Variants in CFAP221 observed in about 807,000 individuals in gnomAD.
CFAP221 encodes the protein cilia and flagella associated protein 221, also known as cilia- and flagella-associated protein 221.
CFAP221 carries 97 observed loss-of-function variants against 113.1 expected under a neutral mutation model. The ratio of observed to expected loss-of-function variants is 0.86; its 90% confidence interval spans 0.73 to 1.02. CFAP221 has a LOEUF of 1.02. CFAP221 is among the 50% of genes least tolerant of loss of function. CFAP221 has a pLI of 0.00. For synonymous variants in CFAP221, 331 were observed against 354.4 expected (o/e 0.93, Z 0.74); for missense variants, 1,025 against 1,013.4 (o/e 1.01, Z -0.16).
intron 7 of CFAP221, among the ~76,000 whole-genome samples, chr2:119,598,592 A>C (rs1219831307): frequency 6.6e-6 from 1 of 152,192 alleles, no homozygotes; most frequent in Non-Finnish European, 1.5e-5. Context: ...TAAGAGAGCA[A>C]TTTGGGGTGG....
At chr2:119,569,537 A>C (rs1190221652) in intron 6 of CFAP221, among the ~76,000 whole-genome samples, 1 of 151,802 alleles carries the variant, frequency 6.6e-6, no homozygotes, top group African/African-American at 2.4e-5. Flanking sequence ...TTGATGTCTG[A>C]CATTCATTTA....
At position 119,638,370 on chromosome 2, in the gene CFAP221, C is replaced by G. The variant is rs760947743; in HGVS notation, c.2086C>G (p.His696Asp). 3.7e-6 allele frequency: 6 copies of G among 1,614,062 alleles called. No individual in the cohort carries two copies. Among genetic ancestry groups the G allele is most frequent in the Non-Finnish European group, 5.1e-6 (6 of 1,180,030 alleles). ...GTACAAATTCACCAAAGAGTCCCGCCACGGGTCCAGCATTCCTGTCACCCA... is the reference window on the plus strand; with the variant it reads ...GTACAAATTCACCAAAGAGTCCCGCGACGGGTCCAGCATTCCTGTCACCCA... ...PKYKFTKESRHGSSIPVTQKQ... is the reference protein window; with the variant it reads ...PKYKFTKESRDGSSIPVTQKQ... Residue 696 changes from histidine to aspartate, a missense_variant, in exon 20 of 24, where the codon CAC (histidine) becomes GAC (aspartate). Transcript: ENST00000413369.
chr2:119,597,229 A>C (rs1684046241), intron 7 of CFAP221, among the ~76,000 whole-genome samples: 1 of 152,188 alleles, frequency 6.6e-6, no homozygotes, highest in Non-Finnish European at 1.5e-5. Context: ...GAGAAAACTG[A>C]GCCTCAGCTA....
At chr2:119,588,288 A>G (rs150626090) in intron 7 of CFAP221, among the ~76,000 whole-genome samples, 2 of 152,302 alleles carry the variant, frequency 1.3e-5, no homozygotes, top group African/African-American at 4.8e-5. Flanking sequence ...GTCAGCGTGC[A>G]GGTTTACAGG....
Position 119,639,874 on chromosome 2 carries a change from T to C in CFAP221, c.2225+2T>C, listed in dbSNP as rs760266115. On this transcript the variant is annotated splice_donor_variant, in intron 21 of 23. Coordinates refer to ENST00000413369, the MANE Select transcript of CFAP221 (RefSeq NM_001271049.2). LOFTEE classifies it high-confidence loss of function. ...CTCCAAGATGGAGACCACAAAGAGG[T>C]AAGCACAGCTCATCTGTTTGCTCAC... is the stretch of plus-strand genomic sequence containing the variant. 2.5e-6 allele frequency: 4 copies of C among 1,612,046 alleles called. 1 individual carries two copies. The South Asian group carries it at 4.4e-5, about 18-fold the overall frequency.
intron 21 of CFAP221, among the ~76,000 whole-genome samples, chr2:119,643,206 G>A (rs547550225): frequency 6.6e-6 from 1 of 152,176 alleles, no homozygotes; most frequent in Non-Finnish European, 1.5e-5. Flanking sequence ...GAATAAATTA[G>A]CTCCTATTAC....
chr2:119,644,016 G>A (rs368246414), intron 21 of CFAP221, among the ~76,000 whole-genome samples: 2 of 152,020 alleles, frequency 1.3e-5, no homozygotes, highest in African/African-American at 4.8e-5. Flanking sequence ...AGTTAGGTAT[G>A]GTGGCGGGCA....
At chr2:119,551,599 C>T (rs1189792098) in intron 3 of CFAP221, among the ~76,000 whole-genome samples, 1 of 152,152 alleles carries the variant, frequency 6.6e-6, no homozygotes, top group Admixed American at 6.5e-5. Context: ...ACCCCCGGTT[C>T]TACTCCATTG....
intron 7 of CFAP221, among the ~76,000 whole-genome samples, chr2:119,596,846 C>A (rs1045645188): frequency 6.6e-6 from 1 of 152,112 alleles, no homozygotes. Context: ...AATGTCCAGG[C>A]CTGTGTTTTA....
intron 6 of CFAP221, among the ~76,000 whole-genome samples, chr2:119,582,192 T>C (rs1294829872): frequency 6.6e-6 from 1 of 152,188 alleles, no homozygotes; most frequent in Non-Finnish European, 1.5e-5. Context: ...AAAACATATT[T>C]GGAAAGTAGC....
intron 1 of CFAP221, 27 bp from the exon 2 acceptor site, chr2:119,546,058 A>C: frequency 7.0e-7 from 1 of 1,422,190 alleles, no homozygotes; most frequent in South Asian, 1.4e-5. Flanking sequence ...CTCATGGATG[A>C]TTATACTGCT....
intron 22 of CFAP221, among the ~76,000 whole-genome samples, chr2:119,648,114 T>G (rs1181885315): frequency 2.0e-5 from 3 of 152,234 alleles, no homozygotes; most frequent in Non-Finnish European, 4.4e-5. Context: ...GCCCAATGTT[T>G]AGTTCAGTGC....
At chr2:119,595,194 T>G (rs1376399681) in intron 7 of CFAP221, among the ~76,000 whole-genome samples, 1 of 152,238 alleles carries the variant, frequency 6.6e-6, no homozygotes, top group Non-Finnish European at 1.5e-5. Context: ...GTTTGGTCTC[T>G]TTTATCTCTG....
At chr2:119,607,227 A>G (rs1478396330) in intron 11 of CFAP221, among the ~76,000 whole-genome samples, 1 of 152,208 alleles carries the variant, frequency 6.6e-6, no homozygotes, top group Non-Finnish European at 1.5e-5. Flanking sequence ...TCCTGACCTC[A>G]AGCAATCCAC....
At chr2:119,551,384 T>C (rs1011138197) in intron 3 of CFAP221, among the ~76,000 whole-genome samples, 2 of 152,240 alleles carry the variant, frequency 1.3e-5, no homozygotes, top group Non-Finnish European at 2.9e-5. Flanking sequence ...TGTTTTCTTC[T>C]AAGAGTTTTA....
At chr2:119,627,941 T>C (rs1686455808) in intron 16 of CFAP221, among the ~76,000 whole-genome samples, 155 bp downstream of exon 16, 1 of 152,062 alleles carries the variant, frequency 6.6e-6, no homozygotes, top group Non-Finnish European at 1.5e-5. Context: ...AAACCAGGGA[T>C]CATCTCCTGC....
chr2:119,555,624 TA>T (rs1006999688), intron 3 of CFAP221, among the ~76,000 whole-genome samples: 1 of 151,906 alleles, frequency 6.6e-6, no homozygotes, highest in South Asian at 2.1e-4. Context: ...GATAAAGTAT[TA>T]AAAAAAAGAC....
chr2:119,628,294 G>GGGGGGTGT (rs1553491014), intron 16 of CFAP221, among the ~76,000 whole-genome samples: 2 of 137,490 alleles, frequency 1.5e-5, no homozygotes, highest in East Asian at 2.2e-4. Context: ...CTCTCTGGGG[G>GGGGGGTGT]GTGTGTGTGT....
chr2:119,659,347 G>T (rs761531911), downstream of CFAP221, among the ~76,000 whole-genome samples: 65 of 152,204 alleles, frequency 4.3e-4, no homozygotes, highest in Non-Finnish European at 2.1e-4. Context: ...TCCCATCAGT[G>T]TGGTTGTGTT....
Sources: allele counts gnomAD v4.1 joint callset (sites outside exome capture counted in the v4.1 genomes callset), GRCh38; gene constraint gnomAD v4.1.1; transcripts MANE v1.5; gene names NCBI Gene and HGNC (gene_info 2026-07-23, HGNC 2026-07-21).